The following RBMS3 variants were observed in gnomAD, a reference collection of about 807,000 sequenced individuals.
The protein encoded by RBMS3 is RNA-binding motif, single-stranded-interacting protein 3.
Under a neutral mutation model 66.8 loss-of-function variants are expected in RBMS3, and 27 were observed. The ratio of observed to expected loss-of-function variants is 0.40; its 90% confidence interval spans 0.30 to 0.56. The LOEUF (loss-of-function observed/expected upper bound fraction) is 0.56, where lower values mean the gene tolerates loss of function less well. RBMS3 is among the 20% of genes least tolerant of loss of function. The probability of loss-of-function intolerance (pLI) is 0.40; values close to 1 mark genes in which losing one functional copy is unlikely to be tolerated. For missense variants in RBMS3, 513 were observed against 549.5 expected (o/e 0.93, Z 0.66); for synonymous variants, 188 against 183.0 (o/e 1.03, Z -0.22).
chr3:29,884,469 T>TCTCTCTCTCTCTCCCC (rs1553692501), intron 8 of RBMS3, among the ~76,000 whole-genome samples: 1 of 66,334 alleles, frequency 1.5e-5, no homozygotes, highest in African/African-American at 5.3e-5. Context: ...TCTCTCTCTC[T>TCTCTCTCTCTCTCCCC]CCCCCCCCGC....
intron 6 of RBMS3, among the ~76,000 whole-genome samples, chr3:29,817,156 A>AAAAT (rs2057932598): frequency 6.6e-6 from 1 of 151,498 alleles, no homozygotes; most frequent in Non-Finnish European, 1.5e-5. Flanking sequence ...ATTCTTTCTA[A>AAAAT]AAATTAAAAT....
chr3:29,517,559 G>A (rs1430374683), intron 3 of RBMS3, among the ~76,000 whole-genome samples: 3 of 152,062 alleles, frequency 2.0e-5, no homozygotes, highest in Non-Finnish European at 2.9e-5. Context: ...TCCTGACCTC[G>A]TGATCCGCCT....
chr3:29,942,444 G>A (rs565790344), intron 11 of RBMS3, among the ~76,000 whole-genome samples: 1 of 151,786 alleles, frequency 6.6e-6, no homozygotes, highest in Non-Finnish European at 1.5e-5. Flanking sequence ...GATCAACTAA[G>A]CCCAGGAGTT....
chr3:29,673,623 C>T (rs1457385017), intron 4 of RBMS3, among the ~76,000 whole-genome samples: 2 of 152,112 alleles, frequency 1.3e-5, no homozygotes, highest in East Asian at 3.9e-4. Flanking sequence ...ATACTGTAAA[C>T]ACCTCTATGC....
At chr3:29,435,163 A>G (rs2041353800) in intron 2 of RBMS3, among the ~76,000 whole-genome samples, 1 of 152,354 alleles carries the variant, frequency 6.6e-6, no homozygotes, top group East Asian at 1.9e-4. Flanking sequence ...TCATAGATAT[A>G]TGACCTGCAA....
At chr3:29,334,099 T>C (rs1467539289) in intron 1 of RBMS3, among the ~76,000 whole-genome samples, 1 of 152,188 alleles carries the variant, frequency 6.6e-6, no homozygotes, top group East Asian at 1.9e-4. Flanking sequence ...TTAAAAATTA[T>C]GTCTAAAGGG....
At chr3:29,450,861 C>G (rs1210727597) in intron 2 of RBMS3, among the ~76,000 whole-genome samples, 1 of 151,450 alleles carries the variant, frequency 6.6e-6, no homozygotes, top group East Asian at 1.9e-4. Context: ...GTACTATGCC[C>G]AGTACCCACC....
intron 6 of RBMS3, among the ~76,000 whole-genome samples, chr3:29,811,205 C>T (rs2057720381): frequency 6.6e-6 from 1 of 152,230 alleles, no homozygotes; most frequent in South Asian, 2.1e-4. Context: ...TCGCTGAAGA[C>T]TGGGGCTCTC....
At chr3:29,559,112 A>T (rs2046454151) in intron 3 of RBMS3, among the ~76,000 whole-genome samples, 1 of 152,188 alleles carries the variant, frequency 6.6e-6, no homozygotes, top group South Asian at 2.1e-4. Context: ...AAAGATAGTG[A>T]GGAAATCCAA....
At chr3:29,463,638 T>G (rs1158674479) in intron 2 of RBMS3, among the ~76,000 whole-genome samples, 1 of 146,382 alleles carries the variant, frequency 6.8e-6, no homozygotes, top group African/African-American at 2.5e-5. Context: ...AAAAGCAGTA[T>G]GGAAGCAGAA....
At chr3:29,661,504 G>A (rs1248102713) in intron 4 of RBMS3, among the ~76,000 whole-genome samples, 1 of 152,060 alleles carries the variant, frequency 6.6e-6, no homozygotes, top group Non-Finnish European at 1.5e-5. Context: ...AGTGTCTTAG[G>A]ATTCCTGCTA....
In RBMS3 at chr3:29,566,958, T is replaced by G. The variant is rs1180120863; in HGVS notation, c.308-20156T>G. 2.0e-5 allele frequency among the ~76,000 whole-genome samples: 3 copies of G among 152,156 alleles called. No homozygotes were observed. In the East Asian group the frequency reaches 5.8e-4, roughly 29 times the overall value. On this transcript the variant is annotated intron_variant, in intron 3 of 14. Transcript: ENST00000383767. ...AGAATAAGAAAAACAATAAAAAGCTTAAATTCATCTTCTCCATTATCTCTC... is the reference window on the plus strand; with the variant it reads ...AGAATAAGAAAAACAATAAAAAGCTGAAATTCATCTTCTCCATTATCTCTC...
intron 6 of RBMS3, among the ~76,000 whole-genome samples, chr3:29,813,991 G>T (rs1403361115): frequency 6.6e-6 from 1 of 151,672 alleles, no homozygotes; most frequent in Admixed American, 6.6e-5. Flanking sequence ...CTGCCTAATT[G>T]CCCTGGCCAG....
rs1336272827 is a variant in RBMS3, at chr3:29,384,429, T to TAAG, written c.76-50312_76-50311insGAA. ...TAAACATATACACCAATAATAATAATAATAATAAGAAGAAGAAGAAGAAGA... is the reference window on the plus strand; with the variant it reads ...TAAACATATACACCAATAATAATAATAAGAATAATAAGAAGAAGAAGAAGAAGA... On this transcript the variant is annotated intron_variant, in intron 1 of 14. Coordinates refer to ENST00000383767, the MANE Select transcript of RBMS3 (RefSeq NM_001003793.3). Among the ~76,000 whole-genome samples the TAAG allele has an allele frequency of 3.6e-3, 345 of 95,968 alleles. 2 individuals are homozygous for TAAG. The highest frequency in any genetic ancestry group is 0.017 in the East Asian group (61 of 3,660). The allele number at this position is 95,968 out of a possible 152,430, so 63.0% of individuals were successfully genotyped here.
intron 6 of RBMS3, among the ~76,000 whole-genome samples, chr3:29,796,001 G>A (rs1276938815): frequency 4.6e-5 from 7 of 152,184 alleles, no homozygotes; most frequent in Admixed American, 4.6e-4. Context: ...CAAGAACAAA[G>A]GATGACCAGT....
intron 1 of RBMS3, among the ~76,000 whole-genome samples, chr3:29,286,152 C>T (rs1047543997): frequency 3.9e-5 from 6 of 152,016 alleles, no homozygotes; most frequent in Admixed American, 1.3e-4. Flanking sequence ...TCTTTCGCTT[C>T]GGGGGGTAAT....
chr3:29,880,357 T>C (rs1211171615), intron 7 of RBMS3, among the ~76,000 whole-genome samples: 2 of 152,226 alleles, frequency 1.3e-5, no homozygotes, highest in African/African-American at 2.4e-5. Context: ...ACATCACTTT[T>C]CTACATACAT....
chr3:29,867,549 C>A (rs901158206), intron 6 of RBMS3, among the ~76,000 whole-genome samples: 1 of 146,026 alleles, frequency 6.8e-6, no homozygotes, highest in Admixed American at 7.0e-5. Flanking sequence ...GATGACGTAC[C>A]TTTATTCGCA....
intron 3 of RBMS3, among the ~76,000 whole-genome samples, chr3:29,517,271 A>ATGTGTGTGTGTG (rs58702096): frequency 6.6e-4 from 86 of 129,640 alleles, no homozygotes; most frequent in Admixed American, 4.6e-3. Flanking sequence ...GATTTCATAT[A>ATGTGTGTGTGTG]TGTGTGTGTG....
Sources: gnomAD v4.1 joint callset for allele counts (sites outside exome capture counted in the v4.1 genomes callset) on GRCh38, gnomAD v4.1.1 for gene constraint, MANE v1.5 for transcripts, NCBI Gene and HGNC (gene_info 2026-07-23, HGNC 2026-07-21) for gene names.